Variants in ZNF438 observed in about 807,000 individuals in gnomAD.
ZNF438 encodes zinc finger protein 438.
ZNF438 carries 25 observed loss-of-function variants against 38.0 expected under a neutral mutation model. The ratio of observed to expected loss-of-function variants is 0.66; its 90% CI spans 0.48 to 0.92. ZNF438 has a LOEUF of 0.92. Among genes scored for constraint, ZNF438 ranks in the 40% least tolerant of loss-of-function variants. ZNF438 has a pLI of 0.00. For missense variants in ZNF438, 1,007 were observed against 999.6 expected (o/e 1.01, Z -0.10); for synonymous variants, 372 against 364.1 (o/e 1.02, Z -0.25).
At chr10:31,002,041 CG>C (rs1053763823) in intron 1 of ZNF438, among the ~76,000 whole-genome samples, 1 of 152,100 alleles carries the variant, frequency 6.6e-6, no homozygotes, top group African/African-American at 2.4e-5. Context: ...AAAGATGAGA[CG>C]TAAGAATTTA....
chr10:30,928,572 AAAGC>A (rs2045241012), intron 2 of ZNF438, among the ~76,000 whole-genome samples: 1 of 152,136 alleles, frequency 6.6e-6, no homozygotes, highest in East Asian at 1.9e-4. Flanking sequence ...AAAAAAAAAA[AAAGC>A]AAACATTCTG....
chr10:31,020,009 T>C (rs2056474921), intron 1 of ZNF438, among the ~76,000 whole-genome samples: 1 of 152,202 alleles, frequency 6.6e-6, no homozygotes, highest in African/African-American at 2.4e-5. Flanking sequence ...TGTAACTCTT[T>C]TTTTCCATTT....
At chr10:30,882,693 G>T (rs1403169734) in intron 3 of ZNF438, among the ~76,000 whole-genome samples, 1 of 152,158 alleles carries the variant, frequency 6.6e-6, no homozygotes, top group African/African-American at 2.4e-5. Flanking sequence ...GACAGAGAAG[G>T]TTGGGGGGAC....
At chr10:30,916,319 C>T (rs367782305) in intron 2 of ZNF438, among the ~76,000 whole-genome samples, 1 of 151,968 alleles carries the variant, frequency 6.6e-6, no homozygotes, top group East Asian at 1.9e-4. Context: ...TTTAAGTGTA[C>T]CTCTAATTTC....
intron 2 of ZNF438, among the ~76,000 whole-genome samples, chr10:30,922,393 G>C (rs2044399806): frequency 6.6e-6 from 1 of 152,214 alleles, no homozygotes; most frequent in South Asian, 2.1e-4. Flanking sequence ...TTTACTGACA[G>C]AAGGATGTCT....
chr10:30,846,944 C>T (rs75720225), intron 5 of ZNF438, among the ~76,000 whole-genome samples: 7,438 of 152,284 alleles, frequency 0.049, 569 homozygotes, highest in African/African-American at 0.17. Context: ...ACGCTTGAGG[C>T]AGTGCTGATA....
chr10:30,991,642 CTCTG>C (rs2053511667), intron 1 of ZNF438, among the ~76,000 whole-genome samples: 1 of 152,178 alleles, frequency 6.6e-6, no homozygotes, highest in African/African-American at 2.4e-5. Context: ...AGTTCCTCTG[CTCTG>C]TCTGAGGGAA....
intron 1 of ZNF438, among the ~76,000 whole-genome samples, chr10:30,954,160 C>G (rs2048597366): frequency 6.6e-6 from 1 of 151,980 alleles, no homozygotes; most frequent in South Asian, 2.1e-4. Flanking sequence ...ACAAAATATA[C>G]CCCCATAAAG....
At chr10:31,001,117 T>C (rs1464094559) in intron 1 of ZNF438, among the ~76,000 whole-genome samples, 1 of 152,212 alleles carries the variant, frequency 6.6e-6, no homozygotes, top group Non-Finnish European at 1.5e-5. Context: ...CATCTTGCTG[T>C]ATGAAAGGCC....
intron 1 of ZNF438, among the ~76,000 whole-genome samples, chr10:31,015,268 C>T (rs890508465): frequency 6.6e-6 from 1 of 152,106 alleles, no homozygotes; most frequent in Admixed American, 6.6e-5. Context: ...TTGTTTCTGT[C>T]ATTATTACCA....
At chr10:30,992,703 G>C (rs929367443) in intron 1 of ZNF438, among the ~76,000 whole-genome samples, 12 of 152,316 alleles carry the variant, frequency 7.9e-5, no homozygotes, top group African/African-American at 2.6e-4. Context: ...GTGAGCCACC[G>C]TGCCCAGCCT....
intron 4 of ZNF438, among the ~76,000 whole-genome samples, chr10:30,866,236 A>T (rs906623448): frequency 6.6e-6 from 1 of 152,246 alleles, no homozygotes; most frequent in Non-Finnish European, 1.5e-5. Context: ...TTCTGAGGAC[A>T]AGCACTCAAT....
intron 1 of ZNF438, among the ~76,000 whole-genome samples, chr10:30,978,888 C>T (rs940734277): frequency 5.9e-5 from 9 of 152,200 alleles, no homozygotes; most frequent in African/African-American, 2.2e-4. Flanking sequence ...TCCTTTGAAG[C>T]TTTGAAGCCA....
At chr10:30,990,015 A>G (rs2053304143) in intron 1 of ZNF438, among the ~76,000 whole-genome samples, 1 of 152,216 alleles carries the variant, frequency 6.6e-6, no homozygotes, top group African/African-American at 2.4e-5. Context: ...AGCTAAGTTT[A>G]AGAGGCTTCC....
chr10:31,026,724 A>T (rs927243575), intron 1 of ZNF438, among the ~76,000 whole-genome samples: 9 of 152,138 alleles, frequency 5.9e-5, no homozygotes, highest in African/African-American at 1.9e-4. Flanking sequence ...CATTTGGCCC[A>T]GCCATCCCAT....
intron 1 of ZNF438, among the ~76,000 whole-genome samples, chr10:31,027,592 T>C (rs1409923627): frequency 6.6e-6 from 1 of 152,140 alleles, no homozygotes; most frequent in Non-Finnish European, 1.5e-5. Context: ...TGAGCATCAA[T>C]AGGCTATTGA....
intron 5 of ZNF438, among the ~76,000 whole-genome samples, 180 bp from the exon 7 acceptor site, chr10:30,845,753 C>T (rs985406596): frequency 1.3e-5 from 2 of 152,172 alleles, no homozygotes; most frequent in Non-Finnish European, 2.9e-5. Flanking sequence ...TACTAATTGT[C>T]ACTCCTGCTT....
chr10:30,911,963 C>A (rs1252230675), intron 2 of ZNF438, among the ~76,000 whole-genome samples: 1 of 152,134 alleles, frequency 6.6e-6, no homozygotes, highest in African/African-American at 2.4e-5. Flanking sequence ...CCCATTTTCC[C>A]AACAACATGA....
chr10:31,009,737 C>T (rs1166056603), intron 1 of ZNF438, among the ~76,000 whole-genome samples: 2 of 152,088 alleles, frequency 1.3e-5, no homozygotes, highest in Non-Finnish European at 2.9e-5. Flanking sequence ...ACAAGATACC[C>T]TATTTTTTTT....
Sources: gnomAD v4.1 joint callset for allele counts (sites outside exome capture counted in the v4.1 genomes callset) on GRCh38, gnomAD v4.1.1 for gene constraint, MANE v1.5 for transcripts, NCBI Gene and HGNC (gene_info 2026-07-23, HGNC 2026-07-21) for gene names.